Variants in PPM1B observed in about 807,000 individuals in gnomAD.
PPM1B encodes protein phosphatase, Mg2+/Mn2+ dependent 1B.
In PPM1B, 22 loss-of-function variants were observed where a neutral mutation model predicts 43.0. That is an observed-to-expected ratio of 0.51 (90% CI 0.37 to 0.73). The LOEUF is 0.73. Ranked by LOEUF, PPM1B falls within the 30% of genes least tolerant of loss-of-function variation. The pLI is 0.00. For missense variants in PPM1B, 632 were observed against 584.2 expected, an observed-to-expected ratio of 1.08 and a Z score of -0.84; for synonymous variants, 217 against 197.9, an observed-to-expected ratio of 1.10 and a Z score of -0.81.
At chr2:44,193,040 G>A (rs777090890) in intron 1 of PPM1B, among the ~76,000 whole-genome samples, 13 of 152,182 alleles carry the variant, frequency 8.5e-5, no homozygotes, top group African/African-American at 1.2e-4. Flanking sequence ...TGGGAGTGCC[G>A]ATACTTCTTC....
At chr2:44,235,840 A>G (rs1572765711), downstream of PPM1B, among the ~76,000 whole-genome samples, 1 of 152,260 alleles carries the variant, frequency 6.6e-6, no homozygotes, top group Non-Finnish European at 1.5e-5. Flanking sequence ...TCAAGGCTGC[A>G]GTGAGCTATG....
chr2:44,214,899 G>T (rs1669652795), intron 3 of PPM1B, among the ~76,000 whole-genome samples: 1 of 152,160 alleles, frequency 6.6e-6, no homozygotes, highest in South Asian at 2.1e-4. Flanking sequence ...ACCTATTATG[G>T]TGCCTAGCAC....
intron 5 of PPM1B, among the ~76,000 whole-genome samples, chr2:44,241,945 G>A (rs1311820381): frequency 7.5e-6 from 1 of 133,110 alleles, no homozygotes; most frequent in Non-Finnish European, 1.5e-5. Context: ...TGCGAGCTCC[G>A]CCTCCCAGGT....
intron 5 of PPM1B, among the ~76,000 whole-genome samples, chr2:44,219,420 T>C (rs1669872479): frequency 1.3e-5 from 2 of 152,130 alleles, no homozygotes; most frequent in African/African-American, 4.8e-5. Context: ...AGAAATCATA[T>C]GTCATCTCAA....
intron 1 of PPM1B, among the ~76,000 whole-genome samples, chr2:44,184,845 A>C (rs1266934543): frequency 6.6e-6 from 1 of 151,580 alleles, no homozygotes; most frequent in Non-Finnish European, 1.5e-5. Context: ...GTAGTATAGC[A>C]ATACTTTTTT....
chr2:44,179,845 C>G (rs1166715878), intron 1 of PPM1B, among the ~76,000 whole-genome samples: 1 of 151,882 alleles, frequency 6.6e-6, no homozygotes, highest in Admixed American at 6.6e-5. Flanking sequence ...TCCGTCTCTA[C>G]TAAATATACA....
chr2:44,231,122 A>G lies in PPM1B; in HGVS notation c.*404A>G, dbSNP rs1309347781. The G allele has an allele frequency of 1.1e-6, 1 of 931,228 alleles. No individual in the cohort carries two copies. The highest frequency in any genetic ancestry group is 1.3e-6 in the Non-Finnish European group (1 of 780,784). 57.7% of individuals were successfully genotyped at this position (931,228 alleles called of 1,614,324 possible). ...TTAGTACACTCATAGTTAGCTTTGT[A>G]ATAAATTTATGTTTTCTTTAATAAT... is the stretch of plus-strand genomic sequence containing the variant. On this transcript the variant is annotated 3_prime_UTR_variant, in exon 6 of 6. Transcript: ENST00000282412.
At position 44,219,265 on chromosome 2, in the gene PPM1B, G is replaced by T. The variant is rs137929977; in HGVS notation, c.1134+728G>T. ...TTCTCTTGGGTTTTCAAGTTTTTAT[G>T]TCTAAAAATAAATTATTTAATTTTT... On this transcript the variant is annotated intron_variant, in intron 5 of 5. Transcript: ENST00000282412. The T allele has an allele frequency of 2.0e-5, 3 of 148,686 alleles. No homozygotes were observed. The Admixed American group carries it at 2.0e-4, about 10-fold the overall frequency. 9.2% of individuals were successfully genotyped at this position (148,686 alleles called of 1,614,324 possible).
chr2:44,237,481 T>C (rs1016121014), downstream of PPM1B, among the ~76,000 whole-genome samples: 5 of 152,240 alleles, frequency 3.3e-5, no homozygotes, highest in Admixed American at 2.0e-4. Flanking sequence ...TGTGCTCAGA[T>C]GTAACTGGCA....
At chr2:44,233,703 G>C, downstream of PPM1B, 1 of 985,804 alleles carries the variant, frequency 1.0e-6, no homozygotes, top group Non-Finnish European at 1.2e-6. Context: ...TCCTGAAGCT[G>C]TTTCTGGAGA....
At chr2:44,226,505 C>G (rs1346380557) in intron 5 of PPM1B, among the ~76,000 whole-genome samples, 1 of 152,144 alleles carries the variant, frequency 6.6e-6, no homozygotes, top group Non-Finnish European at 1.5e-5. Flanking sequence ...ATCAGTGATT[C>G]TCAACCCTGG....
chr2:44,211,482 G>T (rs924796682), intron 3 of PPM1B, among the ~76,000 whole-genome samples: 1 of 152,138 alleles, frequency 6.6e-6, no homozygotes, highest in East Asian at 1.9e-4. Context: ...AATCAGGGAG[G>T]CATGTGATGT....
At chr2:44,218,367 G>A (rs898060130) in intron 4 of PPM1B, 113 bp from the exon 5 acceptor site, 8 of 798,688 alleles carry the variant, frequency 1.0e-5, no homozygotes, top group Non-Finnish European at 1.6e-5. Context: ...TTCTTGACAA[G>A]TATAGAGTGT....
chr2:44,199,335 AAAAT>A (rs1668822682), intron 1 of PPM1B, among the ~76,000 whole-genome samples: 1 of 148,120 alleles, frequency 6.8e-6, no homozygotes, highest in African/African-American at 2.5e-5. Context: ...AAAAAAAAAA[AAAAT>A]TGAGCCAGGT....
chr2:44,205,379 G>T (rs866872053), intron 2 of PPM1B, among the ~76,000 whole-genome samples: 2 of 149,910 alleles, frequency 1.3e-5, no homozygotes, highest in African/African-American at 5.0e-5. Flanking sequence ...GTGTGTGTGT[G>T]TAAGTGTCTG....
At chr2:44,219,631 G>C (rs1391856392) in intron 5 of PPM1B, among the ~76,000 whole-genome samples, 3 of 151,970 alleles carry the variant, frequency 2.0e-5, no homozygotes, top group Admixed American at 6.6e-5. Flanking sequence ...TTTTGTGGCA[G>C]GTTCCTCAGA....
At chr2:44,191,080 A>G (rs1414390845) in intron 1 of PPM1B, among the ~76,000 whole-genome samples, 1 of 152,144 alleles carries the variant, frequency 6.6e-6, no homozygotes, top group Admixed American at 6.6e-5. Context: ...CCACTTCACT[A>G]TTTCCCTAGA....
downstream of PPM1B, among the ~76,000 whole-genome samples, chr2:44,235,050 T>C (rs1456530474): frequency 1.3e-5 from 2 of 152,216 alleles, no homozygotes; most frequent in Non-Finnish European, 2.9e-5. Context: ...AATATTTTAG[T>C]CACTTCAGAT....
chr2:44,180,460 C>T (rs1667820311), intron 1 of PPM1B, among the ~76,000 whole-genome samples: 1 of 152,158 alleles, frequency 6.6e-6, no homozygotes, highest in Non-Finnish European at 1.5e-5. Context: ...TGCTGGAAAT[C>T]AAGGACTGCT....
Sources: allele counts gnomAD v4.1 joint callset (sites outside exome capture counted in the v4.1 genomes callset), GRCh38; gene constraint gnomAD v4.1.1; transcripts MANE v1.5; gene names NCBI Gene and HGNC (gene_info 2026-07-23, HGNC 2026-07-21).